The following SGCZ variants were observed in gnomAD, a reference collection of about 807,000 sequenced individuals.
SGCZ encodes the protein sarcoglycan zeta.
A neutral mutation model predicts 41.3 loss-of-function variants in SGCZ; 40 were observed. That is an observed-to-expected ratio of 0.97 (90% confidence interval 0.75 to 1.26). The LOEUF (loss-of-function observed/expected upper bound fraction) is 1.26, where lower values mean the gene tolerates loss of function less well. Among genes scored for constraint, SGCZ ranks in the 50% most tolerant of loss-of-function variants. The probability of loss-of-function intolerance (pLI) is 0.00; values close to 1 mark genes in which losing one functional copy is unlikely to be tolerated. For missense variants in SGCZ, 552 were observed against 369.8 expected (o/e 1.49, Z -4.04); for synonymous variants, 206 against 137.5 (o/e 1.50, Z -3.49).
chr8:14,440,096 G>A (rs1212231670), intron 2 of SGCZ, among the ~76,000 whole-genome samples: 2 of 151,848 alleles, frequency 1.3e-5, no homozygotes, highest in Non-Finnish European at 2.9e-5. Flanking sequence ...GTTCTTATAA[G>A]CCAGTGAATG....
intron 1 of SGCZ, among the ~76,000 whole-genome samples, chr8:14,673,506 G>C (rs1443846104): frequency 6.6e-6 from 1 of 151,896 alleles, no homozygotes; most frequent in Non-Finnish European, 1.5e-5. Context: ...GTAGGTGCCT[G>C]CTTCCCCTTT....
At chr8:14,548,167 C>T (rs183076301) in intron 2 of SGCZ, among the ~76,000 whole-genome samples, 2 of 152,178 alleles carry the variant, frequency 1.3e-5, no homozygotes, top group Admixed American at 1.3e-4. Context: ...AGAAACAGAG[C>T]CACAGTTTAA....
At chr8:14,569,948 CTTT>C (rs34294327) in intron 1 of SGCZ, among the ~76,000 whole-genome samples, 3 of 143,074 alleles carry the variant, frequency 2.1e-5, no homozygotes, top group Admixed American at 7.0e-5. Context: ...GCACTGGAAT[CTTT>C]TTTTTTTTTT....
At chr8:14,971,251 T>C (rs1191929060) in intron 1 of SGCZ, among the ~76,000 whole-genome samples, 5 of 152,184 alleles carry the variant, frequency 3.3e-5, no homozygotes, top group Admixed American at 2.0e-4. Context: ...TTAAATTTTA[T>C]TTTATTTCAT....
At chr8:15,168,729 T>C (rs959925802) in intron 1 of SGCZ, among the ~76,000 whole-genome samples, 1 of 152,172 alleles carries the variant, frequency 6.6e-6, no homozygotes, top group Non-Finnish European at 1.5e-5. Flanking sequence ...CTTTGAAAAG[T>C]GCTTTCTTTT....
chr8:14,930,362 A>G (rs1799890409), intron 1 of SGCZ, among the ~76,000 whole-genome samples: 1 of 152,102 alleles, frequency 6.6e-6, no homozygotes, highest in African/African-American at 2.4e-5. Context: ...ATGTGGAGAA[A>G]TGGGAAAGCT....
intron 1 of SGCZ, among the ~76,000 whole-genome samples, chr8:14,909,282 T>C (rs1445617522): frequency 1.3e-5 from 2 of 152,194 alleles, no homozygotes; most frequent in East Asian, 1.9e-4. Flanking sequence ...CGAAAAATCC[T>C]CTAAATCCAG....
intron 7 of SGCZ, among the ~76,000 whole-genome samples, chr8:14,091,119 G>C (rs1801676803): frequency 6.6e-6 from 1 of 151,758 alleles, no homozygotes; most frequent in Non-Finnish European, 1.5e-5. Context: ...AGTTTGCTGA[G>C]AATCATGGTT....
chr8:15,177,303 G>A (rs1364572928), intron 1 of SGCZ, among the ~76,000 whole-genome samples: 3 of 152,156 alleles, frequency 2.0e-5, no homozygotes, highest in Admixed American at 6.5e-5. Flanking sequence ...GCAGTGGAAC[G>A]TCCCACCTAC....
chr8:14,168,176 T>C (rs889075727), intron 4 of SGCZ, among the ~76,000 whole-genome samples: 3 of 152,114 alleles, frequency 2.0e-5, no homozygotes, highest in African/African-American at 7.2e-5. Flanking sequence ...ATTCAAAATT[T>C]CCACAAGGAA....
At chr8:14,523,628 C>T (rs1369757302) in intron 2 of SGCZ, among the ~76,000 whole-genome samples, 1 of 151,926 alleles carries the variant, frequency 6.6e-6, no homozygotes, top group African/African-American at 2.4e-5. Context: ...TAGAAGCTTG[C>T]CTGTTTGTGT....
At chr8:14,758,176 C>T (rs1799749015) in intron 1 of SGCZ, among the ~76,000 whole-genome samples, 1 of 152,058 alleles carries the variant, frequency 6.6e-6, no homozygotes, top group South Asian at 2.1e-4. Context: ...ACAAGCTGTC[C>T]AGAAACATAT....
chr8:14,875,220 G>A (rs73517313), intron 1 of SGCZ, among the ~76,000 whole-genome samples: 2,104 of 152,230 alleles, frequency 0.014, 58 homozygotes, highest in African/African-American at 0.047. Flanking sequence ...CAACAGATAT[G>A]TCCTCACATG....
At chr8:15,009,176 C>G (rs995166718) in intron 1 of SGCZ, among the ~76,000 whole-genome samples, 1 of 152,170 alleles carries the variant, frequency 6.6e-6, no homozygotes, top group Non-Finnish European at 1.5e-5. Context: ...CTTACACAGA[C>G]TGTACAGGAA....
At chr8:14,423,590 A>G (rs1470741580) in intron 2 of SGCZ, among the ~76,000 whole-genome samples, 2 of 151,942 alleles carry the variant, frequency 1.3e-5, no homozygotes, top group African/African-American at 2.4e-5. Context: ...CTAATTTTGT[A>G]TTTTTAGTAG....
intron 1 of SGCZ, among the ~76,000 whole-genome samples, chr8:14,852,873 C>T (rs1018726318): frequency 5.9e-5 from 9 of 152,106 alleles, no homozygotes; most frequent in Non-Finnish European, 1.2e-4. Context: ...AGAATCTCCT[C>T]GTCTAAACTC....
In SGCZ at chr8:14,978,470, C is replaced by CAAAAAAAAAAAAAA. The variant is rs59543494; in HGVS notation, c.39+259101_39+259114dup. ...TGGAGGACCGAGTGAGACACCGTCA[C>CAAAAAAAAAAAAAA]AAAAAAAAAAAAAAAAAAAAAAAAA... On this transcript the variant is annotated intron_variant, in intron 1 of 7. Coordinates refer to ENST00000382080, the MANE Select transcript of SGCZ (RefSeq NM_139167.4). 5.3e-4 allele frequency among the ~76,000 whole-genome samples: 33 copies of CAAAAAAAAAAAAAA among 62,826 alleles called. 1 individual carries two copies. Among genetic ancestry groups the CAAAAAAAAAAAAAA allele is most frequent in the African/African-American group, 2.5e-3 (30 of 12,052 alleles). 41.2% of individuals were successfully genotyped at this position (62,826 alleles called of 152,430 possible). A position where few individuals can be genotyped will look rare whatever the true frequency, so the allele number is the denominator to read the frequency against.
At chr8:14,954,029 A>T (rs754226826) in intron 1 of SGCZ, among the ~76,000 whole-genome samples, 19 of 152,204 alleles carry the variant, frequency 1.2e-4, no homozygotes, top group Non-Finnish European at 2.1e-4. Context: ...AAAACAGTCA[A>T]TGTTGAAAAA....
chr8:14,725,850 A>G (rs1810030231), intron 1 of SGCZ, among the ~76,000 whole-genome samples: 1 of 152,222 alleles, frequency 6.6e-6, no homozygotes, highest in South Asian at 2.1e-4. Context: ...TTATGAAATT[A>G]CTTAAAGATG....
Sources: gnomAD v4.1 joint callset for allele counts (sites outside exome capture counted in the v4.1 genomes callset) on GRCh38, gnomAD v4.1.1 for gene constraint, MANE v1.5 for transcripts, NCBI Gene and HGNC (gene_info 2026-07-23, HGNC 2026-07-21) for gene names.